Variants in CSNK1G1 observed in about 807,000 individuals in gnomAD.
CSNK1G1 encodes casein kinase I isoform gamma-1.
Under a neutral mutation model 59.6 loss-of-function variants are expected in CSNK1G1, and 22 were observed. That is an observed-to-expected ratio of 0.37 (90% confidence interval 0.26 to 0.53). The LOEUF is 0.53. Ranked by LOEUF, CSNK1G1 falls within the 20% of genes least tolerant of loss-of-function variation. The probability of loss-of-function intolerance (pLI) is 0.89; values close to 1 mark genes in which losing one functional copy is unlikely to be tolerated. For missense variants in CSNK1G1, 384 were observed against 519.5 expected, an observed-to-expected ratio of 0.74 and a Z score of 2.54; for synonymous variants, 179 against 177.1, an observed-to-expected ratio of 1.01 and a Z score of -0.08.
chr15:64,277,658 A>G (rs1893751159), intron 2 of CSNK1G1, among the ~76,000 whole-genome samples: 1 of 130,106 alleles, frequency 7.7e-6, no homozygotes, highest in Non-Finnish European at 1.6e-5. Context: ...ATAATATAGC[A>G]ATATTGATAT....
At chr15:64,327,277 T>C (rs1896900076) in intron 1 of CSNK1G1, among the ~76,000 whole-genome samples, 1 of 150,854 alleles carries the variant, frequency 6.6e-6, no homozygotes, top group Non-Finnish European at 1.5e-5. Flanking sequence ...TGTCCCTGTC[T>C]GACAGCTTTG....
chr15:64,218,346 AC>A (rs1433078011), intron 4 of CSNK1G1, among the ~76,000 whole-genome samples: 1 of 152,060 alleles, frequency 6.6e-6, no homozygotes, highest in Non-Finnish European at 1.5e-5. Flanking sequence ...GGAATTAATA[AC>A]TATTTCATAT....
In CSNK1G1 at chr15:64,251,555, C is replaced by T. The variant is rs1414056235; in HGVS notation, c.249G>A (p.Gln83=). 2 of 1,612,822 alleles carry T rather than the reference C, an allele frequency of 1.2e-6. No individual in the cohort carries two copies. The highest frequency in any genetic ancestry group is 1.7e-6 in the Non-Finnish European group (2 of 1,179,194). Residue 83 remains glutamine, a synonymous_variant, in exon 4 of 12, where the codon CAG becomes CAA. Transcript: ENST00000303052. ...KLEPIKSRAP[Q]LHLEYRFYKQ... ...TATAAAATCTGTACTCTAAATGAAG[C>T]TGTGGAGCACGTGATTTTATTGGTT...
At chr15:64,184,231 A>G (rs2081858921) in intron 10 of CSNK1G1, among the ~76,000 whole-genome samples, 1 of 152,056 alleles carries the variant, frequency 6.6e-6, no homozygotes, top group Admixed American at 6.6e-5. Context: ...TGAACCTGGG[A>G]GGCGTAGCTT....
rs1404074228 is a variant in CSNK1G1 at position 64,213,876 on chromosome 15, A to C, written c.679+14T>G. 3.8e-6 allele frequency: 6 copies of C among 1,567,622 alleles called. No homozygotes were observed. The African/African-American group carries it at 8.1e-5, about 21-fold the overall frequency. Reference sequence around the variant, plus strand: ...TAATGACTCGCCCCTTTCATGGAACAGAAAAAAACACACCTTTGCCAAGAT... The same window carrying C: ...TAATGACTCGCCCCTTTCATGGAACCGAAAAAAACACACCTTTGCCAAGAT... On this transcript the variant is annotated intron_variant, in intron 6 of 11. Coordinates refer to ENST00000303052, the MANE Select transcript of CSNK1G1 (RefSeq NM_022048.5).
intron 1 of CSNK1G1, among the ~76,000 whole-genome samples, chr15:64,336,113 G>A (rs543100680): frequency 2.0e-5 from 3 of 152,160 alleles, no homozygotes; most frequent in African/African-American, 4.8e-5. Context: ...AACTCTATGC[G>A]ACTAGGGACT....
intron 4 of CSNK1G1, among the ~76,000 whole-genome samples, chr15:64,224,588 G>T (rs771430680): frequency 6.6e-6 from 1 of 152,098 alleles, no homozygotes; most frequent in African/African-American, 2.4e-5. Context: ...ACATGAACCA[G>T]TTAAACATAT....
intron 1 of CSNK1G1, among the ~76,000 whole-genome samples, chr15:64,327,320 G>A (rs1370540022): frequency 5.3e-5 from 8 of 149,998 alleles, no homozygotes; most frequent in African/African-American, 2.0e-4. Context: ...CACGCAGCTG[G>A]AGATCTGAGA....
At chr15:64,281,912 T>C (rs1220940948) in intron 2 of CSNK1G1, among the ~76,000 whole-genome samples, 1 of 151,664 alleles carries the variant, frequency 6.6e-6, no homozygotes, top group Non-Finnish European at 1.5e-5. Context: ...GCAAATTTTA[T>C]AATTTTATGG....
chr15:64,181,473 A>AT, intron 10 of CSNK1G1: 1 of 1,471,690 alleles, frequency 6.8e-7, no homozygotes. Flanking sequence ...AACAATTTGG[A>AT]TATCATATGC....
chr15:64,349,460 G>C (rs1296160603), intron 1 of CSNK1G1, among the ~76,000 whole-genome samples: 1 of 152,058 alleles, frequency 6.6e-6, no homozygotes, highest in East Asian at 1.9e-4. Flanking sequence ...AATTATTAAA[G>C]AATAATTCCC....
chr15:64,327,234 CAA>C (rs1896897132), intron 1 of CSNK1G1, among the ~76,000 whole-genome samples: 1 of 152,126 alleles, frequency 6.6e-6, no homozygotes, highest in South Asian at 2.1e-4. Flanking sequence ...CACAGACAAA[CAA>C]AAAGACAGCA....
chr15:64,261,450 A>C (rs1892683918), intron 2 of CSNK1G1, among the ~76,000 whole-genome samples: 1 of 151,994 alleles, frequency 6.6e-6, no homozygotes, highest in South Asian at 2.1e-4. Context: ...AAAATACAAA[A>C]ATTAGTTGGG....
At chr15:64,181,390 C>A in intron 10 of CSNK1G1, 1 of 1,535,622 alleles carries the variant, frequency 6.5e-7, no homozygotes, top group Non-Finnish European at 8.7e-7. Context: ...GAAAAGGGGC[C>A]TCACTGCTGG....
intron 11 of CSNK1G1, among the ~76,000 whole-genome samples, chr15:64,177,863 T>C (rs2081759698): frequency 6.6e-6 from 1 of 152,238 alleles, no homozygotes; most frequent in Non-Finnish European, 1.5e-5. Context: ...ATTCAAAGTA[T>C]ACTATTAAAT....
intron 3 of CSNK1G1, among the ~76,000 whole-genome samples, chr15:64,254,941 T>G (rs1475496102): frequency 6.6e-6 from 1 of 152,230 alleles, no homozygotes; most frequent in African/African-American, 2.4e-5. Context: ...CATTTAGGTC[T>G]TTGATCCACT....
At chr15:64,308,126 C>G (rs1248115766) in intron 1 of CSNK1G1, among the ~76,000 whole-genome samples, 1 of 152,168 alleles carries the variant, frequency 6.6e-6, no homozygotes, top group East Asian at 1.9e-4. Context: ...CTGGAAATGA[C>G]TGGATCCTAC....
chr15:64,172,508 G>A (rs2081685487), intron 11 of CSNK1G1, among the ~76,000 whole-genome samples: 1 of 152,174 alleles, frequency 6.6e-6, no homozygotes, highest in South Asian at 2.1e-4. Context: ...AAGGATTAAG[G>A]ATTCTCTCCA....
intron 11 of CSNK1G1, among the ~76,000 whole-genome samples, chr15:64,174,205 C>G (rs910115588): frequency 6.6e-6 from 1 of 152,212 alleles, no homozygotes; most frequent in Non-Finnish European, 1.5e-5. Context: ...TTTACCTCCT[C>G]CAAGGCAAGC....
Sources: allele counts gnomAD v4.1 joint callset (sites outside exome capture counted in the v4.1 genomes callset), GRCh38; gene constraint gnomAD v4.1.1; transcripts MANE v1.5; gene names NCBI Gene and HGNC (gene_info 2026-07-23, HGNC 2026-07-21).